AGBL1: variants seen among roughly 807,000 people sequenced by gnomAD.
AGBL1 encodes AGBL carboxypeptidase 1.
Under a neutral mutation model 118.9 loss-of-function variants are expected in AGBL1, and 130 were observed. That is an observed-to-expected ratio of 1.09 (90% CI 0.95 to 1.26). The LOEUF (loss-of-function observed/expected upper bound fraction) is 1.26, where lower values mean the gene tolerates loss of function less well. Ranked by LOEUF, AGBL1 falls within the 50% of genes most tolerant of loss-of-function variation. AGBL1 has a pLI of 0.00. For synonymous variants in AGBL1, 555 were observed against 478.9 expected, an observed-to-expected ratio of 1.16 and a Z score of -2.08; for missense variants, 1,584 against 1,298.1, an observed-to-expected ratio of 1.22 and a Z score of -3.38.
At chr15:86,556,187 A>C in intron 21 of AGBL1, 1 of 1,562,908 alleles carries the variant, frequency 6.4e-7, no homozygotes, top group Non-Finnish European at 8.8e-7. Flanking sequence ...GAAATGACTC[A>C]TAGGTTCAGG....
At chr15:86,475,681 C>A (rs1415764377) in intron 18 of AGBL1, among the ~76,000 whole-genome samples, 2 of 152,208 alleles carry the variant, frequency 1.3e-5, no homozygotes, top group Non-Finnish European at 2.9e-5. Flanking sequence ...CTTCCCCAAC[C>A]TAGCAAGGCA....
chr15:86,819,017 G>A (rs1319144734), intron 22 of AGBL1, among the ~76,000 whole-genome samples: 1 of 151,996 alleles, frequency 6.6e-6, no homozygotes, highest in Non-Finnish European at 1.5e-5. Context: ...TACAGTTGTT[G>A]TTTATGCCTT....
intron 21 of AGBL1, among the ~76,000 whole-genome samples, chr15:86,647,048 C>G (rs1243941632): frequency 6.6e-6 from 1 of 151,964 alleles, no homozygotes; most frequent in Admixed American, 6.6e-5. Flanking sequence ...ACATAAAAGA[C>G]TAACATTTTA....
In AGBL1 at chr15:86,095,646, C is replaced by CTTTTTTT. The variant is rs1896319963; in HGVS notation, c.51+15623_51+15624insTTTTTTT. Among the ~76,000 whole-genome samples the CTTTTTTT allele has an allele frequency of 8.6e-5, 10 of 116,684 alleles. 5 individuals are homozygous for CTTTTTTT. The highest frequency in any genetic ancestry group is 1.0e-4 in the Non-Finnish European group (6 of 57,540). 76.5% of individuals were successfully genotyped at this position (116,684 alleles called of 152,430 possible). ...TCATAATGTCACATGACCTTGGATA[C>CTTTTTTT]CTTTTTTTTTTTTTTTTTTTTTTTT... On this transcript the variant is annotated intron_variant, in intron 1 of 22. Transcript: ENST00000614907.
At chr15:86,629,598 G>T (rs898352992) in intron 21 of AGBL1, among the ~76,000 whole-genome samples, 7 of 152,140 alleles carry the variant, frequency 4.6e-5, no homozygotes, top group African/African-American at 1.7e-4. Context: ...TGGAGATGAG[G>T]TTGCAGCTAG....
At chr15:86,888,946 T>A (rs1462296376) in intron 22 of AGBL1, among the ~76,000 whole-genome samples, 1 of 152,114 alleles carries the variant, frequency 6.6e-6, no homozygotes, top group East Asian at 1.9e-4. Flanking sequence ...GGGACAAGAC[T>A]AACAATATAT....
chr15:86,745,408 G>A (rs2077741213), intron 22 of AGBL1, among the ~76,000 whole-genome samples: 1 of 151,954 alleles, frequency 6.6e-6, no homozygotes, highest in Non-Finnish European at 1.5e-5. Context: ...GACCCCCAAA[G>A]TCCGTTGTTT....
intron 18 of AGBL1, among the ~76,000 whole-genome samples, chr15:86,408,784 T>A (rs1426249280): frequency 1.3e-5 from 2 of 152,168 alleles, no homozygotes; most frequent in Non-Finnish European, 2.9e-5. Flanking sequence ...TTTTTAATCT[T>A]CCTTTGCATT....
intron 22 of AGBL1, among the ~76,000 whole-genome samples, chr15:86,739,391 C>T (rs2077644736): frequency 8.2e-6 from 1 of 121,448 alleles, no homozygotes; most frequent in East Asian, 2.6e-4. Flanking sequence ...TGTGGTGAGC[C>T]AAGATCGTGC....
Position 86,142,018 on chromosome 15 carries a change from G to C in AGBL1, c.66G>C (p.Lys22Asn). The C allele has an allele frequency of 6.5e-7, 1 of 1,550,048 alleles. No homozygotes were observed. The change falls in exon 2 of 23, where the codon AAG becomes AAC. Residue 22 changes from lysine (K) to asparagine (N), a missense_variant. By Grantham distance (94) the Lys-to-Asn change is moderately conservative. Transcript: ENST00000614907. Reference protein sequence around the residue: ...LLHTLQSSSDKESILTILKVL... With the variant: ...LLHTLQSSSDNESILTILKVL... The stretch of plus-strand genomic sequence containing the variant: ...TCTCATTGCAGAGCTCCTCTGACAA[G>C]GAGTCCATCCTGACCATCCTCAAGG...
At chr15:86,203,738 C>T (rs1223571790) in intron 5 of AGBL1, among the ~76,000 whole-genome samples, 1 of 152,150 alleles carries the variant, frequency 6.6e-6, no homozygotes, top group East Asian at 1.9e-4. Context: ...GCCATTACCT[C>T]CATTGTTACG....
At chr15:86,339,734 C>T (rs1372479217) in intron 17 of AGBL1, among the ~76,000 whole-genome samples, 6 of 151,986 alleles carry the variant, frequency 3.9e-5, no homozygotes, top group Non-Finnish European at 5.9e-5. Flanking sequence ...TTTGGGAGGC[C>T]GAGGTGGGCG....
rs1206188247 is a variant in AGBL1 at position 86,145,264 on chromosome 15, TG to T, written c.262+1421del. Among the ~76,000 whole-genome samples, 4 of 152,216 alleles carry T rather than the reference TG, an allele frequency of 2.6e-5. No individual in the cohort carries two copies. The East Asian group carries it at 7.7e-4, about 29-fold the overall frequency. On this transcript the variant is annotated intron_variant, in intron 3 of 22. Transcript: ENST00000614907. The stretch of plus-strand genomic sequence containing the variant: ...CAATCCACTACAAGTCACACAGAAG[TG>T]GAACATTCCTAGTTGAAGGGAAGAT...
At chr15:86,852,853 A>C (rs942221328) in intron 22 of AGBL1, among the ~76,000 whole-genome samples, 8 of 152,220 alleles carry the variant, frequency 5.3e-5, no homozygotes, top group Non-Finnish European at 1.5e-5. Flanking sequence ...GCCTGGTTGC[A>C]TATTAGAATC....
chr15:86,189,625 T>C lies in AGBL1; in HGVS notation c.488+30599T>C, dbSNP rs574261958. Among the ~76,000 whole-genome samples the C allele has an allele frequency of 5.3e-5, 8 of 152,262 alleles. No homozygotes were observed. In the South Asian group the frequency reaches 1.7e-3, roughly 32 times the overall value. On this transcript the variant is annotated intron_variant, in intron 5 of 22. Coordinates refer to ENST00000614907, the MANE Select transcript of AGBL1 (RefSeq NM_001386094.1). The stretch of plus-strand genomic sequence containing the variant: ...CTGGCACTTCCCTCCTCTCTCTCTC[T>C]TTCTCTTGCTGCTTCTCTCAGCATG...
chr15:86,213,743 A>AT (rs886532311), intron 5 of AGBL1, among the ~76,000 whole-genome samples: 38 of 152,084 alleles, frequency 2.5e-4, no homozygotes, highest in Non-Finnish European at 4.7e-4. Flanking sequence ...TCTTTTTGTT[A>AT]TTTTTTTATT....
chr15:86,463,723 C>T (rs1013666396), intron 18 of AGBL1, among the ~76,000 whole-genome samples: 7 of 152,198 alleles, frequency 4.6e-5, no homozygotes, highest in South Asian at 2.1e-4. Context: ...TTGTTTTTGT[C>T]GGATTTGTTA....
At chr15:86,976,920 C>T (rs2081181811) in intron 23 of AGBL1, among the ~76,000 whole-genome samples, 1 of 151,780 alleles carries the variant, frequency 6.6e-6, no homozygotes, top group South Asian at 2.1e-4. Flanking sequence ...TTATAAATGT[C>T]TTCATATATA....
intron 22 of AGBL1, among the ~76,000 whole-genome samples, chr15:86,821,145 G>T (rs1227521293): frequency 6.6e-6 from 1 of 152,000 alleles, no homozygotes; most frequent in Non-Finnish European, 1.5e-5. Context: ...TGGACACAGG[G>T]AGGGGAACAT....
Sources: gnomAD v4.1 joint callset for allele counts (sites outside exome capture counted in the v4.1 genomes callset) on GRCh38, gnomAD v4.1.1 for gene constraint, MANE v1.5 for transcripts, NCBI Gene and HGNC (gene_info 2026-07-23, HGNC 2026-07-21) for gene names.